The following HYCC1 variants were observed in gnomAD, a reference collection of about 807,000 sequenced individuals.
HYCC1 encodes the protein hyccin PI4KA lipid kinase complex subunit 1.
the HYCC1 span, among the ~76,000 whole-genome samples, chr7:22,925,985 C>T: frequency 2.0e-5 from 3 of 152,102 alleles, no homozygotes; most frequent in South Asian, 2.1e-4. Context: ...GCTGATCTCT[C>T]GGCAGAAACT....
the HYCC1 span, among the ~76,000 whole-genome samples, chr7:22,914,129 A>G: frequency 0.34 from 51,988 of 152,188 alleles, 9,693 homozygotes; most frequent in Non-Finnish European, 0.42. Flanking sequence ...ACTCAGGAAG[A>G]CAGTCTTCCC....
the HYCC1 span, among the ~76,000 whole-genome samples, chr7:22,991,719 C>G: frequency 6.6e-6 from 1 of 152,124 alleles, no homozygotes; most frequent in Admixed American, 6.6e-5. Context: ...AAGAAGTAAG[C>G]TAAAGGAAAT....
At chr7:22,922,727 T>G in the HYCC1 span, among the ~76,000 whole-genome samples, 2 of 152,152 alleles carry the variant, frequency 1.3e-5, no homozygotes, top group East Asian at 1.9e-4. Flanking sequence ...GGAAAAGATA[T>G]GTCATGCAAA....
At chr7:22,944,522 T>G in the HYCC1 span, 1 of 152,214 alleles carries the variant, frequency 6.6e-6, no homozygotes, top group South Asian at 2.1e-4. Context: ...GTGTTTTAAA[T>G]TTAAGAACAC....
chr7:22,947,248 C>A, the HYCC1 span: 1 of 1,548,404 alleles, frequency 6.5e-7, no homozygotes, highest in Non-Finnish European at 8.7e-7. Flanking sequence ...TCAGGTTGCT[C>A]TAGAATTGAA....
the HYCC1 span, among the ~76,000 whole-genome samples, chr7:22,972,023 A>G: frequency 6.6e-6 from 1 of 152,218 alleles, no homozygotes; most frequent in Non-Finnish European, 1.5e-5. Flanking sequence ...TCAACCAGAA[A>G]TGACCTTATA....
At chr7:22,987,809 T>A in the HYCC1 span, among the ~76,000 whole-genome samples, 1 of 152,064 alleles carries the variant, frequency 6.6e-6, no homozygotes, top group African/African-American at 2.4e-5. Flanking sequence ...TGGGGAGAAT[T>A]AGAATTAAGT....
At chr7:22,910,844 T>C in the HYCC1 span, among the ~76,000 whole-genome samples, 2 of 149,206 alleles carry the variant, frequency 1.3e-5, no homozygotes, top group Non-Finnish European at 3.0e-5. Context: ...ATTTTAAGAG[T>C]ATGCTTATTC....
At chr7:22,932,562 A>G in the HYCC1 span, among the ~76,000 whole-genome samples, 2 of 152,136 alleles carry the variant, frequency 1.3e-5, no homozygotes, top group African/African-American at 4.8e-5. Flanking sequence ...AGGTCCACAG[A>G]TGAGAAATTT....
the HYCC1 span, among the ~76,000 whole-genome samples, chr7:22,906,577 C>CA: frequency 0.18 from 21,390 of 118,904 alleles, 1,843 homozygotes; most frequent in East Asian, 0.36. Context: ...GACTCGGTCT[C>CA]AAAAAAAAAA....
chr7:22,937,191 T>G, the HYCC1 span: 3 of 152,138 alleles, frequency 2.0e-5, no homozygotes, highest in Non-Finnish European at 4.4e-5. Context: ...TAGAAATATG[T>G]TGGCTAAATG....
chr7:22,916,849 C>G, the HYCC1 span, among the ~76,000 whole-genome samples: 3 of 152,168 alleles, frequency 2.0e-5, no homozygotes, highest in African/African-American at 7.2e-5. Flanking sequence ...TTAACTCGGG[C>G]CCTCACTCTT....
chr7:22,993,059 T>G, the HYCC1 span, among the ~76,000 whole-genome samples: 1 of 152,006 alleles, frequency 6.6e-6, no homozygotes, highest in African/African-American at 2.4e-5. Context: ...TGGAACAGAA[T>G]AGAGTGGCCA....
chr7:22,994,763 T>C, the HYCC1 span, among the ~76,000 whole-genome samples: 31 of 152,162 alleles, frequency 2.0e-4, no homozygotes, highest in African/African-American at 7.0e-4. Context: ...TTTCACAGTC[T>C]CACCACCACT....
the HYCC1 span, among the ~76,000 whole-genome samples, chr7:22,920,190 A>G: frequency 2.6e-5 from 4 of 151,518 alleles, no homozygotes; most frequent in Admixed American, 2.6e-4. Flanking sequence ...ACAAAAAAAT[A>G]TTTTAAGCTA....
At chr7:22,961,825 AAGTG>A in the HYCC1 span, among the ~76,000 whole-genome samples, 1 of 151,928 alleles carries the variant, frequency 6.6e-6, no homozygotes, top group African/African-American at 2.4e-5. Flanking sequence ...TTGAGGGAAA[AAGTG>A]TGTGTGCATG....
At chr7:22,960,097 C>T in the HYCC1 span, among the ~76,000 whole-genome samples, 1 of 152,084 alleles carries the variant, frequency 6.6e-6, no homozygotes, top group African/African-American at 2.4e-5. Flanking sequence ...TTCTTACTGC[C>T]TATTGCTCCT....
the HYCC1 span, chr7:22,946,879 GA>G: frequency 8.0e-7 from 1 of 1,244,862 alleles, no homozygotes; most frequent in Non-Finnish European, 1.1e-6. Context: ...ATTTGGATTA[GA>G]TTACATGCAA....
the HYCC1 span, among the ~76,000 whole-genome samples, chr7:22,907,104 CAAAAAA>C: frequency 0.35 from 14,718 of 41,744 alleles, 630 homozygotes; most frequent in East Asian, 0.42. Flanking sequence ...GACTCTATCT[CAAAAAA>C]AAAAAAAAAA....
Sources: gnomAD v4.1 joint callset for allele counts (sites outside exome capture counted in the v4.1 genomes callset) on GRCh38, gnomAD v4.1.1 for gene constraint, MANE v1.5 for transcripts, NCBI Gene and HGNC (gene_info 2026-07-23, HGNC 2026-07-21) for gene names.